The following LIMD1 variants were observed in gnomAD, a reference collection of about 807,000 sequenced individuals.
The protein encoded by LIMD1 is LIM domain containing 1, also known as LIM domain-containing protein 1.
LIMD1 carries 23 observed loss-of-function variants against 58.4 expected under a neutral mutation model. The ratio of observed to expected loss-of-function variants is 0.39; its 90% CI spans 0.28 to 0.56. The LOEUF (loss-of-function observed/expected upper bound fraction) is 0.56, where lower values mean the gene tolerates loss of function less well. Among genes scored for constraint, LIMD1 ranks in the 20% least tolerant of loss-of-function variants. The pLI is 0.57. For synonymous variants in LIMD1, 334 were observed against 345.5 expected, an observed-to-expected ratio of 0.97 and a Z score of 0.37; for missense variants, 838 against 855.5, an observed-to-expected ratio of 0.98 and a Z score of 0.25.
intron 1 of LIMD1, among the ~76,000 whole-genome samples, chr3:45,601,603 C>T (rs1018123275): frequency 3.9e-5 from 6 of 152,172 alleles, no homozygotes; most frequent in Admixed American, 3.3e-4. Context: ...AGTGGTGTGC[C>T]GGGCACTGGA....
At chr3:45,644,156 A>G (rs1457414818) in intron 2 of LIMD1, among the ~76,000 whole-genome samples, 2 of 152,236 alleles carry the variant, frequency 1.3e-5, no homozygotes, top group Admixed American at 6.5e-5. Context: ...TAAAACAATT[A>G]GGACCAAGCC....
At chr3:45,633,421 C>A (rs1476919226) in intron 1 of LIMD1, among the ~76,000 whole-genome samples, 1 of 152,096 alleles carries the variant, frequency 6.6e-6, no homozygotes, top group African/African-American at 2.4e-5. Context: ...AAAAAATAAG[C>A]CTAAGCAAAT....
intron 2 of LIMD1, among the ~76,000 whole-genome samples, chr3:45,654,146 A>G (rs2125664719): frequency 6.6e-6 from 1 of 152,346 alleles, no homozygotes; most frequent in South Asian, 2.1e-4. Flanking sequence ...AGTAGCCACC[A>G]TGGACAGTAC....
At chr3:45,637,081 C>CT (rs1283577508) in intron 2 of LIMD1, among the ~76,000 whole-genome samples, 1 of 152,194 alleles carries the variant, frequency 6.6e-6, no homozygotes, top group Non-Finnish European at 1.5e-5. Flanking sequence ...ACAAAGGGGT[C>CT]TTTCTAACCA....
chr3:45,626,531 C>G (rs1701669421), intron 1 of LIMD1, among the ~76,000 whole-genome samples: 1 of 152,072 alleles, frequency 6.6e-6, no homozygotes, highest in African/African-American at 2.4e-5. Flanking sequence ...CTGGAAAAGG[C>G]AAAACTTTGG....
At chr3:45,628,328 A>C (rs1037740439) in intron 1 of LIMD1, among the ~76,000 whole-genome samples, 1 of 151,100 alleles carries the variant, frequency 6.6e-6, no homozygotes, top group East Asian at 1.9e-4. Context: ...TAACAGTAAG[A>C]AAAAAAACAG....
chr3:45,619,295 C>T (rs13075974), intron 1 of LIMD1, among the ~76,000 whole-genome samples: 7,008 of 152,214 alleles, frequency 0.046, 193 homozygotes, highest in East Asian at 0.14. Context: ...AGATGTGAGC[C>T]ACTGTGCCCA....
intron 2 of LIMD1, among the ~76,000 whole-genome samples, chr3:45,645,891 A>C (rs1189654928): frequency 6.6e-6 from 1 of 151,784 alleles, no homozygotes; most frequent in Non-Finnish European, 1.5e-5. Context: ...TTGCACCCAT[A>C]GTTGCCCATC....
chr3:45,616,212 C>T (rs1701574993), intron 1 of LIMD1, among the ~76,000 whole-genome samples: 1 of 152,142 alleles, frequency 6.6e-6, no homozygotes, highest in African/African-American at 2.4e-5. Flanking sequence ...AACTGGGCCC[C>T]CTTCCTCCTG....
intron 2 of LIMD1, among the ~76,000 whole-genome samples, chr3:45,652,099 G>T (rs1701979502): frequency 6.6e-6 from 1 of 151,962 alleles, no homozygotes; most frequent in Admixed American, 6.6e-5. Flanking sequence ...GCTAATTTTT[G>T]TATTTTTAGT....
intron 3 of LIMD1, among the ~76,000 whole-genome samples, chr3:45,666,140 T>TC (rs1205261583): frequency 6.6e-6 from 1 of 152,184 alleles, no homozygotes; most frequent in Non-Finnish European, 1.5e-5. Flanking sequence ...GCTGCTGGCA[T>TC]CCCACTGGCC....
chr3:45,604,185 C>T (rs931561792), intron 1 of LIMD1, among the ~76,000 whole-genome samples: 3 of 152,186 alleles, frequency 2.0e-5, no homozygotes, highest in South Asian at 2.1e-4. Flanking sequence ...GAGTTGGTGC[C>T]GTCTGCCCAG....
At chr3:45,617,410 C>T (rs988036203) in intron 1 of LIMD1, among the ~76,000 whole-genome samples, 1 of 152,104 alleles carries the variant, frequency 6.6e-6, no homozygotes, top group Non-Finnish European at 1.5e-5. Context: ...GTTTGCCCTG[C>T]GTTACACTCC....
chr3:45,667,619 A>G (rs555887998), intron 3 of LIMD1, among the ~76,000 whole-genome samples: 1 of 151,034 alleles, frequency 6.6e-6, no homozygotes, highest in South Asian at 2.1e-4. Context: ...GTGTTTAGGT[A>G]AGATAAGGTA....
intron 1 of LIMD1, among the ~76,000 whole-genome samples, chr3:45,602,295 C>T (rs939884410): frequency 3.3e-5 from 5 of 152,134 alleles, no homozygotes; most frequent in African/African-American, 1.2e-4. Context: ...CCTGTGCTCA[C>T]CCTCCCTGCT....
chr3:45,637,688 A>G (rs1042837269), intron 2 of LIMD1, among the ~76,000 whole-genome samples: 3 of 152,150 alleles, frequency 2.0e-5, no homozygotes, highest in African/African-American at 7.2e-5. Context: ...TGGAGAAGGG[A>G]AGGGGAAGAA....
In LIMD1 at chr3:45,596,178, C is replaced by T. The variant is rs536365054; in HGVS notation, c.1299C>T (p.Pro433=). ...SSPRVRLPCQ[P]LVPGPELRPS... ...CTAGGGTAAGGCTGCCCTGCCAGCC[C>T]CTCGTCCCAGGTCCTGAGCTGAGAC... The change falls in exon 1 of 8, where the codon CCC becomes CCT. Residue 433 remains proline (P), a synonymous_variant. Coordinates refer to ENST00000273317, the MANE Select transcript of LIMD1 (RefSeq NM_014240.3). 1.2e-6 allele frequency: 2 copies of T among 1,614,036 alleles called. No homozygotes were observed. Among genetic ancestry groups the T allele is most frequent in the African/African-American group, 2.7e-5 (2 of 75,058 alleles).
intron 5 of LIMD1, among the ~76,000 whole-genome samples, 173 bp downstream of exon 5, chr3:45,672,993 C>T (rs372573754): frequency 6.6e-6 from 1 of 151,936 alleles, no homozygotes; most frequent in South Asian, 2.1e-4. Context: ...TTGGTCGATG[C>T]CAGTGTTGAC....
At chr3:45,643,715 G>T (rs1343997832) in intron 2 of LIMD1, among the ~76,000 whole-genome samples, 5 of 152,210 alleles carry the variant, frequency 3.3e-5, no homozygotes, top group African/African-American at 4.8e-5. Flanking sequence ...GAGCAGGGGG[G>T]TGCCCACCTT....
Sources: gnomAD v4.1 joint callset for allele counts (sites outside exome capture counted in the v4.1 genomes callset) on GRCh38, gnomAD v4.1.1 for gene constraint, MANE v1.5 for transcripts, NCBI Gene and HGNC (gene_info 2026-07-23, HGNC 2026-07-21) for gene names.